The following PLA1A variants were observed in gnomAD, a reference collection of about 807,000 sequenced individuals.
PLA1A encodes the protein phosphatidylserine-specific phospholipase A1alpha.
PLA1A carries 47 observed loss-of-function variants against 49.4 expected under a neutral mutation model. The observed-to-expected ratio is 0.95, with a 90% confidence interval of 0.75 to 1.21. The LOEUF (loss-of-function observed/expected upper bound fraction) is 1.21. Among genes scored for constraint, PLA1A ranks in the 50% most tolerant of loss-of-function variants. The pLI is 0.00. For missense variants in PLA1A, 561 were observed against 563.9 expected, an observed-to-expected ratio of 0.99 and a Z score of 0.05; for synonymous variants, 224 against 207.9, an observed-to-expected ratio of 1.08 and a Z score of -0.67.
chr3:119,626,158 G>A (rs945565053), intron 9 of PLA1A, among the ~76,000 whole-genome samples: 1 of 152,196 alleles, frequency 6.6e-6, no homozygotes, highest in Non-Finnish European at 1.5e-5. Flanking sequence ...AGTGGAGTTG[G>A]CAAAGCTGGG....
intron 6 of PLA1A, 43 bp downstream of exon 6, chr3:119,616,144 T>C (rs765238027): frequency 1.1e-5 from 13 of 1,216,250 alleles, no homozygotes; most frequent in African/African-American, 1.5e-5. Context: ...ACCCCGGAGA[T>C]TGAAATTCAC....
chr3:119,611,457 T>C (rs536191683), intron 4 of PLA1A, among the ~76,000 whole-genome samples: 5 of 152,340 alleles, frequency 3.3e-5, no homozygotes, highest in Non-Finnish European at 7.3e-5. Context: ...CATAGAATAC[T>C]GAATACTTTG....
chr3:119,603,618 G>A (rs2082646259), intron 1 of PLA1A, among the ~76,000 whole-genome samples: 2 of 152,024 alleles, frequency 1.3e-5, no homozygotes, highest in South Asian at 4.1e-4. Flanking sequence ...ACATTTGCAT[G>A]TAAGTTACAC....
intron 4 of PLA1A, among the ~76,000 whole-genome samples, chr3:119,612,647 C>T (rs1438161331): frequency 1.3e-5 from 2 of 152,142 alleles, no homozygotes; most frequent in Non-Finnish European, 2.9e-5. Context: ...CGCCACTACG[C>T]CCAGCTGATT....
chr3:119,624,110 G>A (rs564710778), intron 8 of PLA1A, among the ~76,000 whole-genome samples: 315 of 152,264 alleles, frequency 2.1e-3, no homozygotes, highest in African/African-American at 7.2e-3. Flanking sequence ...ACAAAGCTCA[G>A]AAATTTATTT....
chr3:119,600,447 T>G lies in PLA1A; in HGVS notation c.73+2461T>G, dbSNP rs113749801. 5,434 of 702,362 alleles carry G rather than the reference T, an allele frequency of 7.7e-3. 195 individuals are homozygous for G. The African/African-American group carries it at 0.081, about 10-fold the overall frequency. 43.5% of individuals were successfully genotyped at this position (702,362 alleles called of 1,614,324 possible). A position where few individuals can be genotyped will look rare whatever the true frequency, so the allele number is the denominator to read the frequency against. ...GTGTTCTCTCAGTACCTATGTTTCCTGGTCACAGATCTTACATCCCTATTT... is the reference window on the plus strand; with the variant it reads ...GTGTTCTCTCAGTACCTATGTTTCCGGGTCACAGATCTTACATCCCTATTT... On this transcript the variant is annotated intron_variant, in intron 1 of 10. Transcript: ENST00000273371.
chr3:119,615,642 T>C (rs2082835105), intron 5 of PLA1A, among the ~76,000 whole-genome samples: 1 of 151,770 alleles, frequency 6.6e-6, no homozygotes. Flanking sequence ...TGAAACCCTG[T>C]CTCTACTAAA....
intron 5 of PLA1A, 101 bp downstream of exon 5, chr3:119,613,219 C>G: frequency 2.9e-6 from 2 of 700,854 alleles, no homozygotes; most frequent in South Asian, 3.5e-5. Context: ...TGCCCTGACC[C>G]TCTCTGAGCT....
Position 119,608,792 on chromosome 3 carries a change from T to C in PLA1A, c.298T>C (p.Trp100Arg). ...TAGGGTTTTAGGAACAAAGCCTTCC[T>C]GGATTGACACATTTATTAGAACCCT... ...GFRVLGTKPSWIDTFIRTLLR... is the reference protein window; with the variant it reads ...GFRVLGTKPSRIDTFIRTLLR... Residue 100 changes from tryptophan to arginine, a missense_variant, in exon 3 of 11, where the codon TGG becomes CGG. Transcript: ENST00000273371. 6.2e-7 allele frequency: 1 copy of C among 1,614,010 alleles called. No individual in the cohort carries two copies. Among genetic ancestry groups the C allele is most frequent in the Non-Finnish European group, 8.5e-7 (1 of 1,179,858 alleles).
intron 6 of PLA1A, 124 bp downstream of exon 6, chr3:119,616,225 C>T (rs2082847289): frequency 2.9e-6 from 2 of 687,282 alleles, no homozygotes; most frequent in African/African-American, 1.8e-5. Context: ...TTTGCTATGT[C>T]CCATAACGCT....
At chr3:119,600,400 C>G (rs2082602275) in intron 1 of PLA1A, 1 of 702,974 alleles carries the variant, frequency 1.4e-6, no homozygotes, top group Non-Finnish European at 2.6e-6. Flanking sequence ...CTTCCTCCAT[C>G]TGGGGTAGGT....
intron 8 of PLA1A, among the ~76,000 whole-genome samples, chr3:119,621,054 T>C (rs563673885): frequency 9.9e-5 from 15 of 152,192 alleles, no homozygotes; most frequent in Non-Finnish European, 2.2e-4. Context: ...TGAGTTGGCA[T>C]GCGGGAGGAT....
chr3:119,628,797 A>G lies in PLA1A; in HGVS notation c.1218A>G (p.Arg406=). ...AATTCAAGTTTCAGTCTTCCAACCGAGTTTGGAAAAAAGACCGGACTACCA... is the reference window on the plus strand; with the variant it reads ...AATTCAAGTTTCAGTCTTCCAACCGGGTTTGGAAAAAAGACCGGACTACCA... ...QVKFKFQSSN[R]VWKKDRTTII... is the part of the protein sequence containing the mutation. Residue 406 remains arginine (R), a synonymous_variant, in exon 10 of 11, where the codon CGA becomes CGG. Transcript: ENST00000273371. The G allele has an allele frequency of 6.2e-7, 1 of 1,613,790 alleles. No individual in the cohort carries two copies. Among genetic ancestry groups the G allele is most frequent in the Non-Finnish European group, 8.5e-7 (1 of 1,179,678 alleles).
At chr3:119,620,904 A>C (rs922650532) in intron 8 of PLA1A, among the ~76,000 whole-genome samples, 2 of 152,198 alleles carry the variant, frequency 1.3e-5, no homozygotes, top group African/African-American at 2.4e-5. Context: ...CAGCTGGATG[A>C]AAAGGTCAGA....
In PLA1A at chr3:119,616,101, G is replaced by A; in HGVS notation, c.754G>A (p.Gly252Ser). 6.2e-7 allele frequency: 1 copy of A among 1,603,064 alleles called. No homozygotes were observed. The highest frequency in any genetic ancestry group is 8.5e-7 in the Non-Finnish European group (1 of 1,169,998). The change falls in exon 6 of 11, where the codon GGT (glycine) becomes AGT (serine). Residue 252 changes from glycine (G) to serine (S), a missense_variant and splice_region_variant. Physicochemically the swap from Gly to Ser is moderately conservative, Grantham distance 56. Coordinates refer to ENST00000273371, the MANE Select transcript of PLA1A (RefSeq NM_015900.4). ...QPGCPTFFYA[G>S]YSYLICDHMR... ...TGGCTGCCCCACCTTCTTTTACGCAGGTCAGAAAGCCAGTACAATCTGGTA... is the reference window on the plus strand; with the variant it reads ...TGGCTGCCCCACCTTCTTTTACGCAAGTCAGAAAGCCAGTACAATCTGGTA...
Position 119,629,706 on chromosome 3 carries a change from T to G in PLA1A, c.*238T>G. ...CCCATTTTAGCTTTCCCATGCATAC[T>G]TAACTGCACTTGCTTTATCTCCTTG... is the stretch of plus-strand genomic sequence containing the variant. On this transcript the variant is annotated 3_prime_UTR_variant, in exon 11 of 11. Coordinates refer to ENST00000273371, the MANE Select transcript of PLA1A (RefSeq NM_015900.4). 1 of 476,892 alleles carries G rather than the reference T, an allele frequency of 2.1e-6. No homozygotes were observed. Among genetic ancestry groups the G allele is most frequent in the Non-Finnish European group, 3.7e-6 (1 of 269,056 alleles). The allele number at this position is 476,892 out of a possible 1,614,324, so 29.5% of individuals were successfully genotyped here.
rs35309675 is a variant in PLA1A at position 119,623,717 on chromosome 3, CTTTTTT to C, written c.1013-1388_1013-1383del. 7.4e-3 allele frequency among the ~76,000 whole-genome samples: 749 copies of C among 101,516 alleles called. 4 individuals carry two copies. Among genetic ancestry groups the C allele is most frequent in the African/African-American group, 0.028 (672 of 23,738 alleles). 66.6% of individuals were successfully genotyped at this position (101,516 alleles called of 152,430 possible). ...TATTTAATGAGTTAATTCTCTCTTT[CTTTTTT>C]TTTTTTTTTTTTTTTTTTGAGACAG... On this transcript the variant is annotated intron_variant, in intron 8 of 10. Transcript: ENST00000273371.
Position 119,628,733 on chromosome 3 carries a change from T to C in PLA1A, c.1154T>C (p.Ile385Thr). Residue 385 changes from isoleucine to threonine, a missense_variant, in exon 10 of 11, where the codon ATA becomes ACA. Transcript: ENST00000273371. ...CAGCAACGCTATGGGAAAGGAATCA[T>C]AGCCCATGCCACCCCACAATGCCAG... ...PKQQRYGKGI[I>T]AHATPQCQIN... The C allele has an allele frequency of 1.9e-6, 3 of 1,614,188 alleles. No individual in the cohort carries two copies. The South Asian group carries it at 3.3e-5, about 18-fold the overall frequency.
rs764869894 is a variant in PLA1A at position 119,619,583 on chromosome 3, G to A, written c.943G>A (p.Val315Ile). 11 of 1,613,568 alleles carry A rather than the reference G, an allele frequency of 6.8e-6. No homozygotes were observed. Among genetic ancestry groups the A allele is most frequent in the Admixed American group, 6.7e-5 (4 of 60,004 alleles). The part of the protein sequence containing the change: ...PRIGLVEQGG[V>I]KIEPLPKEVK... ...TCCAGGACTGGTGGAACAAGGTGGTGTCAAGATAGAGCCGCTCCCCAAGGA... is the reference window on the plus strand; with the variant it reads ...TCCAGGACTGGTGGAACAAGGTGGTATCAAGATAGAGCCGCTCCCCAAGGA... The change falls in exon 8 of 11, where the codon GTC (valine) becomes ATC (isoleucine). Residue 315 changes from valine to isoleucine, a missense_variant. Val to Ile is a conservative substitution (Grantham distance 29). Coordinates refer to ENST00000273371, the MANE Select transcript of PLA1A (RefSeq NM_015900.4).
Sources: allele counts gnomAD v4.1 joint callset (sites outside exome capture counted in the v4.1 genomes callset), GRCh38; gene constraint gnomAD v4.1.1; transcripts MANE v1.5; gene names NCBI Gene and HGNC (gene_info 2026-07-23, HGNC 2026-07-21).